The following JAML variants were observed in gnomAD, a reference collection of about 807,000 sequenced individuals.
The protein encoded by JAML is junction adhesion molecule like.
A neutral mutation model predicts 39.3 loss-of-function variants in JAML; 25 were observed. The ratio of observed to expected loss-of-function variants is 0.64; its 90% CI spans 0.46 to 0.89. The LOEUF (loss-of-function observed/expected upper bound fraction) is 0.89. JAML is among the 40% of genes least tolerant of loss of function. The pLI, the probability that JAML is intolerant of heterozygous loss-of-function variation, is 0.00. For missense variants in JAML, 440 were observed against 486.9 expected (o/e 0.90, Z 0.91); for synonymous variants, 162 against 179.2 (o/e 0.90, Z 0.77).
intron 9 of JAML, among the ~76,000 whole-genome samples, chr11:118,195,309 C>T (rs1269977496): frequency 6.6e-6 from 1 of 152,088 alleles, no homozygotes; most frequent in East Asian, 1.9e-4. Context: ...TGGATCCAGG[C>T]CAGGCCTCTG....
At chr11:118,218,455 CTATT>C (rs566734308) in intron 1 of JAML, among the ~76,000 whole-genome samples, 15 of 152,140 alleles carry the variant, frequency 9.9e-5, no homozygotes, top group Non-Finnish European at 1.8e-4. Context: ...GTCTAATTAT[CTATT>C]TATTTGTGTG....
In JAML at chr11:118,200,477, T is replaced by C; in HGVS notation, c.908A>G (p.Lys303Arg). The C allele has an allele frequency of 6.2e-7, 1 of 1,614,096 alleles. No individual in the cohort carries two copies. ...ILIVKKTCGN[K>R]SSVNSTVLVK... ...AGGGGTGGGGGTAGCCCTGTACCTC[T>C]TATTTCCACAGGTCTTCTTCACGAT... is the stretch of plus-strand genomic sequence containing the variant. The change falls in exon 7 of 10, where the codon AAG becomes AGG. Residue 303 changes from lysine to arginine, a missense_variant. Physicochemically the swap from Lys to Arg is conservative, Grantham distance 26 (BLOSUM62 2). Transcript: ENST00000356289.
intron 3 of JAML, among the ~76,000 whole-genome samples, chr11:118,211,286 G>A (rs180931310): frequency 5.8e-4 from 88 of 152,166 alleles, no homozygotes; most frequent in Admixed American, 1.4e-3. Flanking sequence ...TCTGTCACCC[G>A]GGCTGGAGTG....
At chr11:118,201,171 A>G (rs1948788580) in intron 6 of JAML, 3 of 152,674 alleles carry the variant, frequency 2.0e-5, no homozygotes, top group African/African-American at 7.2e-5. Flanking sequence ...GCTTCCAAGG[A>G]AGAAGACAAA....
At chr11:118,223,763 G>A (rs1279851301) in intron 1 of JAML, among the ~76,000 whole-genome samples, 2 of 152,190 alleles carry the variant, frequency 1.3e-5, no homozygotes, top group African/African-American at 4.8e-5. Context: ...TGGGTAATGA[G>A]AACAAGTGGC....
chr11:118,211,307 A>G (rs1034546613), intron 3 of JAML, among the ~76,000 whole-genome samples: 5 of 152,230 alleles, frequency 3.3e-5, no homozygotes, highest in African/African-American at 7.2e-5. Context: ...CAGTGGCACA[A>G]TCACAGCTCA....
At chr11:118,194,513 G>C in intron 9 of JAML, 96 bp from the exon 10 acceptor site, 1 of 945,412 alleles carries the variant, frequency 1.1e-6, no homozygotes, top group South Asian at 1.4e-5. Context: ...TCATGAGCCC[G>C]GCCCAGTACT....
At chr11:118,212,866 A>C (rs1178786375) in intron 2 of JAML, 6 of 1,614,252 alleles carry the variant, frequency 3.7e-6, no homozygotes, top group East Asian at 2.2e-5. Flanking sequence ...GGGAAACCCC[A>C]GAAGTCTCTC....
At chr11:118,201,739 G>A (rs1164295260) in intron 6 of JAML, 6 of 152,280 alleles carry the variant, frequency 3.9e-5, no homozygotes, top group African/African-American at 2.4e-5. Flanking sequence ...GAACTAAGGC[G>A]GCAGTGACAG....
At chr11:118,195,363 G>T (rs1948629749) in intron 9 of JAML, among the ~76,000 whole-genome samples, 1 of 152,156 alleles carries the variant, frequency 6.6e-6, no homozygotes, top group African/African-American at 2.4e-5. Flanking sequence ...GCAATCAGCT[G>T]GGAGTCATGT....
rs775861651 is a variant in JAML, at chr11:118,198,053, T to G, written c.950A>C (p.Lys317Thr). Residue 317 changes from lysine to threonine, a missense_variant, in exon 8 of 10, where the codon AAG becomes ACG. By Grantham distance (78) the Lys-to-Thr change is moderately conservative. Transcript: ENST00000356289. ...TTTTTCTTTTATCTCTGGATTAGTC[T>G]TCTTCGTGTTCTTCACCAAGACTGT... is the stretch of plus-strand genomic sequence containing the variant. ...NSTVLVKNTK[K>T]TNPEIKEKPC... 16 of 1,614,090 alleles carry G rather than the reference T, an allele frequency of 9.9e-6. No homozygotes were observed. The highest frequency in any genetic ancestry group is 7.7e-5 in the South Asian group (7 of 91,088).
intron 1 of JAML, among the ~76,000 whole-genome samples, chr11:118,215,235 A>G (rs1949124344): frequency 6.6e-6 from 1 of 152,230 alleles, no homozygotes; most frequent in Non-Finnish European, 1.5e-5. Flanking sequence ...AAAGCAAATG[A>G]TTGCAGGATG....
chr11:118,224,635 T>A (rs1372007838), intron 1 of JAML, among the ~76,000 whole-genome samples: 1 of 152,142 alleles, frequency 6.6e-6, no homozygotes, highest in Non-Finnish European at 1.5e-5. Context: ...CAGTCACAGC[T>A]CCACCTAAAC....
rs1438056654 is a variant in JAML, at chr11:118,203,532, C to T, written c.668G>A (p.Gly223Glu). The change falls in exon 6 of 10, where the codon GGA becomes GAA. Residue 223 changes from glycine (G) to glutamate (E), a missense_variant. By Grantham distance (98) the Gly-to-Glu change is moderately conservative (BLOSUM62 -2). Transcript: ENST00000356289. ...FRNDGSIMLQ[G>E]VRESDGGNYT... is the part of the protein sequence containing the mutation. Reference sequence around the variant, plus strand: ...GTTTCCTCCATCTGACTCCCTCACTCCTTGAAGCATGATGGAACCGTCATT... The same window carrying T: ...GTTTCCTCCATCTGACTCCCTCACTTCTTGAAGCATGATGGAACCGTCATT... 6.2e-7 allele frequency: 1 copy of T among 1,614,082 alleles called. No individual in the cohort carries two copies. The highest frequency in any genetic ancestry group is 2.2e-5 in the East Asian group (1 of 44,896).
In JAML at chr11:118,220,669, A is replaced by G. The variant is rs561453504; in HGVS notation, c.-21+4272T>C. 2.1e-3 allele frequency among the ~76,000 whole-genome samples: 321 copies of G among 152,338 alleles called. 2 individuals carry two copies. The highest frequency in any genetic ancestry group is 7.6e-3 in the African/African-American group (314 of 41,580). On this transcript the variant is annotated intron_variant, in intron 1 of 9. Transcript: ENST00000356289. ...AAGGAGAAAGAAAAATGCAGGGAAG[A>G]AAGGCAGGCTCAATTGTTGGCTGAT... is the stretch of plus-strand genomic sequence containing the variant.
At chr11:118,208,329 T>A (rs1169953458) in intron 4 of JAML, among the ~76,000 whole-genome samples, 1 of 151,838 alleles carries the variant, frequency 6.6e-6, no homozygotes, top group Middle Eastern at 3.2e-3. Context: ...AAGAGAAAAA[T>A]GACAATGAAA....
intron 7 of JAML, 102 bp downstream of exon 7, chr11:118,200,372 G>C: frequency 7.2e-7 from 1 of 1,385,240 alleles, no homozygotes. Context: ...CCCCTTCTGT[G>C]AGAATGGCAT....
chr11:118,198,122 C>A (rs1172466120), intron 7 of JAML, 31 bp from the exon 8 acceptor site: 1 of 1,588,836 alleles, frequency 6.3e-7, no homozygotes, highest in African/African-American at 1.3e-5. Context: ...GTGGAATTAA[C>A]CAGCGGGCAT....
intron 5 of JAML, chr11:118,205,646 T>C: frequency 2.0e-6 from 1 of 510,400 alleles, no homozygotes; most frequent in South Asian, 2.3e-5. Context: ...ATGCTTTACA[T>C]GTACAATCTC....
Sources: gnomAD v4.1 joint callset for allele counts (sites outside exome capture counted in the v4.1 genomes callset) on GRCh38, gnomAD v4.1.1 for gene constraint, MANE v1.5 for transcripts, NCBI Gene and HGNC (gene_info 2026-07-23, HGNC 2026-07-21) for gene names.